Variants in MAP4K5 observed in about 807,000 individuals in gnomAD.
The protein encoded by MAP4K5 is MAPK/ERK kinase kinase kinase 5.
Under a neutral mutation model 135.6 loss-of-function variants are expected in MAP4K5, and 82 were observed. The observed-to-expected ratio is 0.60, with a 90% CI of 0.51 to 0.73. The LOEUF is 0.73. Ranked by LOEUF, MAP4K5 falls within the 30% of genes least tolerant of loss-of-function variation. The pLI, the probability that MAP4K5 is intolerant of heterozygous loss-of-function variation, is 0.00. For missense variants in MAP4K5, 907 were observed against 1,010.9 expected (o/e 0.90, Z 1.39); for synonymous variants, 347 against 335.0 (o/e 1.04, Z -0.39).
At position 50,531,996 on chromosome 14, in the gene MAP4K5, C is replaced by A; in HGVS notation, c.54G>T (p.Gln18His). The A allele has an allele frequency of 1.2e-6, 2 of 1,601,920 alleles. No individual in the cohort carries two copies. Among genetic ancestry groups the A allele is most frequent in the East Asian group, 2.3e-5 (1 of 44,064 alleles). ...CGACCCTCTGGACGAGTTCGTAGTCCTGCTGCGGGTTCCGCCTCAGGATGT... is the reference window on the plus strand; with the variant it reads ...CGACCCTCTGGACGAGTTCGTAGTCATGCTGCGGGTTCCGCCTCAGGATGT... ...AADILRRNPQ[Q>H]DYELVQRVGS... Residue 18 changes from glutamine (Q) to histidine (H), a missense_variant, in exon 2 of 33, where the codon CAG (glutamine) becomes CAT (histidine). Transcript: ENST00000682126.
intron 14 of MAP4K5, among the ~76,000 whole-genome samples, chr14:50,454,699 T>G (rs2036562134): frequency 6.6e-6 from 1 of 152,094 alleles, no homozygotes; most frequent in Non-Finnish European, 1.5e-5. Flanking sequence ...GAACTAAATC[T>G]TATCTCTGAA....
At chr14:50,490,064 T>C (rs1311366035) in intron 3 of MAP4K5, among the ~76,000 whole-genome samples, 1 of 150,948 alleles carries the variant, frequency 6.6e-6, no homozygotes, top group Non-Finnish European at 1.5e-5. Context: ...GCTCCTCAAG[T>C]ATGCATGGGT....
intron 1 of MAP4K5, among the ~76,000 whole-genome samples, chr14:50,546,113 T>C (rs552539969): frequency 6.6e-6 from 1 of 152,316 alleles, no homozygotes; most frequent in South Asian, 2.1e-4. Context: ...ATGTAAATGT[T>C]AGAAACTCAT....
intron 5 of MAP4K5, among the ~76,000 whole-genome samples, chr14:50,484,925 G>A (rs947444410): frequency 2.6e-5 from 4 of 152,178 alleles, no homozygotes; most frequent in Admixed American, 6.5e-5. Context: ...GCTGCAATGG[G>A]AGTTTTACTA....
At chr14:50,517,221 C>T (rs538255942) in intron 2 of MAP4K5, among the ~76,000 whole-genome samples, 6 of 151,358 alleles carry the variant, frequency 4.0e-5, no homozygotes, top group Non-Finnish European at 5.9e-5. Context: ...GCGTGATCTC[C>T]GCCCACTGCA....
chr14:50,537,854 C>G (rs1254264063), intron 2 of MAP4K5, among the ~76,000 whole-genome samples: 1 of 152,188 alleles, frequency 6.6e-6, no homozygotes, highest in Non-Finnish European at 1.5e-5. Flanking sequence ...AAGTAACTAA[C>G]CTGCTTTTGA....
At chr14:50,468,865 G>T in intron 9 of MAP4K5, 83 bp from the exon 10 acceptor site, 1 of 1,317,030 alleles carries the variant, frequency 7.6e-7, no homozygotes, top group Non-Finnish European at 1.1e-6. Context: ...CACCAGACTT[G>T]TTGGAGGGAA....
intron 2 of MAP4K5, among the ~76,000 whole-genome samples, chr14:50,517,018 C>T (rs1196294233): frequency 6.6e-6 from 1 of 152,108 alleles, no homozygotes; most frequent in Non-Finnish European, 1.5e-5. Context: ...ACCCTTCCCA[C>T]CAGTCTAGTT....
chr14:50,467,892 C>T (rs894316217), intron 10 of MAP4K5, among the ~76,000 whole-genome samples: 2 of 151,968 alleles, frequency 1.3e-5, no homozygotes, highest in Non-Finnish European at 2.9e-5. Flanking sequence ...TGAATGATTT[C>T]CTTATATAGT....
chr14:50,520,479 C>T (rs61984297), intron 2 of MAP4K5, among the ~76,000 whole-genome samples: 4,495 of 152,130 alleles, frequency 0.03, 91 homozygotes, highest in South Asian at 0.048. Context: ...CCAGCCTGGG[C>T]GACAGAGCAA....
At chr14:50,490,130 AGTGTGTGTGTGTGTGT>A (rs34549753) in intron 3 of MAP4K5, among the ~76,000 whole-genome samples, 1 of 121,206 alleles carries the variant, frequency 8.3e-6, no homozygotes, top group Non-Finnish European at 1.7e-5. Flanking sequence ...AGCGAGTGAG[AGTGTGTGTGTGTGTGT>A]GTGTGTGTGT....
rs1041302168 is a variant in MAP4K5, at chr14:50,545,910, A to G, written c.-179-3326T>C. Among the ~76,000 whole-genome samples, 4 of 152,130 alleles carry G rather than the reference A, an allele frequency of 2.6e-5. No individual in the cohort carries two copies. In the East Asian group the frequency reaches 7.7e-4, roughly 29 times the overall value. ...ACAGCAAGAAAAATCCAGAGCTCAA[A>G]TGTTTCACCTTCAGCTATAGTTCAT... On this transcript the variant is annotated intron_variant, in intron 1 of 8. Coordinates refer to the MAP4K5 transcript ENST00000555216.
chr14:50,538,352 G>A (rs1001221425), intron 2 of MAP4K5, among the ~76,000 whole-genome samples: 5 of 152,258 alleles, frequency 3.3e-5, no homozygotes, highest in South Asian at 4.1e-4. Context: ...TCTTGGGTAC[G>A]TCTTTATCAG....
chr14:50,517,157 T>A (rs1442965957), intron 2 of MAP4K5, among the ~76,000 whole-genome samples: 1 of 151,806 alleles, frequency 6.6e-6, no homozygotes, highest in South Asian at 2.1e-4. Flanking sequence ...CAATACTTTT[T>A]TTTTTTTTTT....
intron 2 of MAP4K5, among the ~76,000 whole-genome samples, chr14:50,510,625 T>C (rs2037911927): frequency 6.6e-6 from 1 of 152,234 alleles, no homozygotes; most frequent in Non-Finnish European, 1.5e-5. Context: ...TAAATAGTCT[T>C]ACTTTTTTCA....
intron 5 of MAP4K5, among the ~76,000 whole-genome samples, chr14:50,484,545 A>G (rs1158678218): frequency 1.3e-5 from 2 of 152,212 alleles, no homozygotes; most frequent in African/African-American, 4.8e-5. Flanking sequence ...AAGCCTAAGT[A>G]TGACCCAGTA....
chr14:50,444,988 A>G (rs893844489), intron 18 of MAP4K5, 53 bp downstream of exon 18: 7 of 1,536,742 alleles, frequency 4.6e-6, no homozygotes, highest in African/African-American at 4.2e-5. Context: ...ATTCACCCAG[A>G]TAACAATATC....
chr14:50,514,618 T>C (rs1458888547), intron 2 of MAP4K5, among the ~76,000 whole-genome samples: 1 of 152,096 alleles, frequency 6.6e-6, no homozygotes, highest in Admixed American at 6.6e-5. Context: ...TCAAACTAGA[T>C]TGAAGAAAAA....
At chr14:50,473,350 C>T (rs373733437) in intron 9 of MAP4K5, among the ~76,000 whole-genome samples, 1 of 151,704 alleles carries the variant, frequency 6.6e-6, no homozygotes, top group East Asian at 1.9e-4. Flanking sequence ...AAGTCTATGC[C>T]ATTGTTTTTG....
Sources: gnomAD v4.1 joint callset for allele counts (sites outside exome capture counted in the v4.1 genomes callset) on GRCh38, gnomAD v4.1.1 for gene constraint, MANE v1.5 for transcripts, NCBI Gene and HGNC (gene_info 2026-07-23, HGNC 2026-07-21) for gene names.